Variants in CDC5L observed in about 807,000 individuals in gnomAD.
CDC5L encodes cell division cycle 5-like protein.
In CDC5L, 18 loss-of-function variants were observed where a neutral mutation model predicts 104.1. The observed-to-expected ratio is 0.17, with a 90% confidence interval of 0.12 to 0.26. CDC5L has a LOEUF of 0.26. Among genes scored for constraint, CDC5L ranks in the 10% least tolerant of loss-of-function variants. The pLI is 1.00. For synonymous variants in CDC5L, 331 were observed against 322.7 expected (o/e 1.03, Z -0.28); for missense variants, 673 against 956.9 (o/e 0.70, Z 3.91).
chr6:44,441,144 T>C (rs1793168064), intron 14 of CDC5L, among the ~76,000 whole-genome samples: 2 of 152,242 alleles, frequency 1.3e-5, no homozygotes, highest in South Asian at 4.1e-4. Context: ...TTTCCCTATC[T>C]ACCCTTTACC....
At chr6:44,416,717 C>A (rs1791923963) in intron 8 of CDC5L, among the ~76,000 whole-genome samples, 1 of 152,248 alleles carries the variant, frequency 6.6e-6, no homozygotes, top group East Asian at 1.9e-4. Flanking sequence ...CAATCTCATA[C>A]TGGGCCAAAC....
At position 44,447,694 on chromosome 6, in the gene CDC5L, TAGAGAG is replaced by T. The variant is rs372649780; in HGVS notation, c.*987_*992del. On this transcript the variant is annotated 3_prime_UTR_variant, in exon 16 of 16. Coordinates refer to ENST00000371477, the MANE Select transcript of CDC5L (RefSeq NM_001253.4). Reference sequence around the variant, plus strand: ...GAATGTATACCCTGTGCCAGAGTCTTAGAGAGAGAACAACAAACAAAATAGGCCTAG... The same window carrying T: ...GAATGTATACCCTGTGCCAGAGTCTTAGAACAACAAACAAAATAGGCCTAG... 1 of 152,192 alleles carries T rather than the reference TAGAGAG, an allele frequency of 6.6e-6. No individual in the cohort carries two copies. Among genetic ancestry groups the T allele is most frequent in the East Asian group, 1.9e-4 (1 of 5,204 alleles). The allele number at this position is 152,192 out of a possible 1,614,324, so 9.4% of individuals were successfully genotyped here.
Position 44,407,261 on chromosome 6 carries a change from T to C in CDC5L, c.903+794T>C, listed in dbSNP as rs11571957. 1.0e-2 allele frequency among the ~76,000 whole-genome samples: 1,522 copies of C among 152,290 alleles called. 12 individuals carry two copies. Among genetic ancestry groups the C allele is most frequent in the Middle Eastern group, 0.031 (9 of 294 alleles). On this transcript the variant is annotated intron_variant, in intron 7 of 15. Coordinates refer to ENST00000371477, the MANE Select transcript of CDC5L (RefSeq NM_001253.4). The stretch of plus-strand genomic sequence containing the variant: ...AAAAGCGATACAAACATTCTTTCAT[T>C]CAGCTTATTACAGGCTGTATTCTTT...
intron 12 of CDC5L, 58 bp from the exon 13 acceptor site, chr6:44,426,424 A>T (rs1792425955): frequency 2.0e-6 from 2 of 1,019,740 alleles, no homozygotes; most frequent in Non-Finnish European, 2.9e-6. Flanking sequence ...GTAACAGGTA[A>T]TAACATTAAT....
chr6:44,408,489 A>G lies in CDC5L; in HGVS notation c.949A>G (p.Ser317Gly). Residue 317 changes from serine (S) to glycine (G), a missense_variant, in exon 8 of 16, where the codon AGT becomes GGT. By Grantham distance (56) the Ser-to-Gly change is moderately conservative (BLOSUM62 0). Coordinates refer to ENST00000371477, the MANE Select transcript of CDC5L (RefSeq NM_001253.4). ...LQEVVKVGQA[S>G]EIARQTAEES... ...GGAAGTTGTAAAAGTAGGCCAAGCG[A>G]GTGAAATTGCACGTCAAACTGCCGA... 2 of 1,614,006 alleles carry G rather than the reference A, an allele frequency of 1.2e-6. No homozygotes were observed. Among genetic ancestry groups the G allele is most frequent in the Non-Finnish European group, 1.7e-6 (2 of 1,179,888 alleles).
chr6:44,400,419 G>A (rs1286446768), intron 5 of CDC5L, among the ~76,000 whole-genome samples: 2 of 152,076 alleles, frequency 1.3e-5, no homozygotes, highest in South Asian at 2.1e-4. Flanking sequence ...ACGGAGTCTC[G>A]CTCTGTCACC....
intron 11 of CDC5L, among the ~76,000 whole-genome samples, chr6:44,425,842 A>G (rs906374423): frequency 1.3e-5 from 2 of 151,924 alleles, no homozygotes; most frequent in Admixed American, 1.3e-4. Flanking sequence ...TAGATGAGAA[A>G]AGTTTGTTAC....
chr6:44,428,115 G>T (rs1026842957), intron 13 of CDC5L, among the ~76,000 whole-genome samples: 3 of 152,176 alleles, frequency 2.0e-5, no homozygotes, highest in Non-Finnish European at 4.4e-5. Context: ...CTCTCGTAAT[G>T]ATTATAAGAT....
chr6:44,434,691 A>G (rs1192477517), intron 14 of CDC5L, among the ~76,000 whole-genome samples: 2 of 152,214 alleles, frequency 1.3e-5, no homozygotes, highest in African/African-American at 4.8e-5. Context: ...CCTCACTGTA[A>G]CGGACTTTTA....
At position 44,426,571 on chromosome 6, in the gene CDC5L, C is replaced by G; in HGVS notation, c.1740C>G (p.Ile580Met). Residue 580 changes from isoleucine (I) to methionine (M), a missense_variant, in exon 13 of 16, where the codon ATC (isoleucine) becomes ATG (methionine). Physicochemically the swap from Ile to Met is conservative, Grantham distance 10. Coordinates refer to ENST00000371477, the MANE Select transcript of CDC5L (RefSeq NM_001253.4). Reference sequence around the variant, plus strand: ...AAGAACTAATCAAAAAAGAAATGATCACAATGCTTCATTATGACCTTCTAC... The same window carrying G: ...AAGAACTAATCAAAAAAGAAATGATGACAATGCTTCATTATGACCTTCTAC... ...KSEELIKKEM[I>M]TMLHYDLLHH... 1 of 1,612,686 alleles carries G rather than the reference C, an allele frequency of 6.2e-7. No individual in the cohort carries two copies. Among genetic ancestry groups the G allele is most frequent in the Non-Finnish European group, 8.5e-7 (1 of 1,179,040 alleles).
At position 44,403,949 on chromosome 6, in the gene CDC5L, C is replaced by A. The variant is rs776097166; in HGVS notation, c.680C>A (p.Thr227Asn). 3.7e-6 allele frequency: 6 copies of A among 1,613,640 alleles called. No individual in the cohort carries two copies. Among genetic ancestry groups the A allele is most frequent in the Non-Finnish European group, 4.2e-6 (5 of 1,179,836 alleles). Residue 227 changes from threonine (T) to asparagine (N), a missense_variant, in exon 6 of 16, where the codon ACT becomes AAT. By Grantham distance (65) the Thr-to-Asn change is moderately conservative. Transcript: ENST00000371477. The part of the protein sequence containing the change: ...EKKPALGFYD[T>N]SEENYQALDA... ...AAGCCTGCCCTTGGTTTTTATGATA[C>A]TTCTGAGGAAAACTACCAAGCTCTT...
At chr6:44,403,202 C>G (rs1469129219) in intron 5 of CDC5L, among the ~76,000 whole-genome samples, 1 of 152,030 alleles carries the variant, frequency 6.6e-6, no homozygotes, top group African/African-American at 2.4e-5. Context: ...TAGATATGCA[C>G]AAATGGTACT....
chr6:44,403,620 C>G (rs560426632), intron 5 of CDC5L, among the ~76,000 whole-genome samples, 189 bp from the exon 6 acceptor site: 1 of 151,836 alleles, frequency 6.6e-6, no homozygotes, highest in African/African-American at 2.4e-5. Context: ...TTCTTTTTGC[C>G]TTATTATGTG....
rs1037216003 is a variant in CDC5L, at chr6:44,387,756, G to C, written c.-68G>C. On this transcript the variant is annotated 5_prime_UTR_variant, in exon 1 of 16. Transcript: ENST00000371477. Reference sequence around the variant, plus strand: ...AGGAAGTGGCGGCTTTGAGTCCGGTGGCCCAATCGCTGTTACTACTTCTCT... The same window carrying C: ...AGGAAGTGGCGGCTTTGAGTCCGGTCGCCCAATCGCTGTTACTACTTCTCT... The C allele has an allele frequency of 2.2e-6, 3 of 1,380,242 alleles. No homozygotes were observed. The African/African-American group carries it at 4.3e-5, about 20-fold the overall frequency. The allele number at this position is 1,380,242 out of a possible 1,614,324, so 85.5% of individuals were successfully genotyped here.
intron 11 of CDC5L, among the ~76,000 whole-genome samples, chr6:44,425,378 C>T (rs899498541): frequency 6.6e-6 from 1 of 152,128 alleles, no homozygotes; most frequent in Non-Finnish European, 1.5e-5. Flanking sequence ...GTAAGGAATA[C>T]TCAACAAGCT....
chr6:44,397,572 A>G (rs1177622586), intron 5 of CDC5L, among the ~76,000 whole-genome samples: 1 of 152,250 alleles, frequency 6.6e-6, no homozygotes, highest in East Asian at 1.9e-4. Context: ...TTCTGTTGGC[A>G]TATGAGAGCT....
intron 8 of CDC5L, among the ~76,000 whole-genome samples, chr6:44,412,972 CG>C (rs1240967445): frequency 6.6e-6 from 1 of 151,180 alleles, no homozygotes; most frequent in African/African-American, 2.4e-5. Context: ...TTAGTAGAGA[CG>C]GGGTTTCACC....
chr6:44,410,434 A>C (rs1052124307), intron 8 of CDC5L, among the ~76,000 whole-genome samples: 1 of 152,210 alleles, frequency 6.6e-6, no homozygotes, highest in Admixed American at 6.5e-5. Context: ...TTTATGTATC[A>C]CATATTTTTA....
Position 44,421,502 on chromosome 6 carries a change from T to C in CDC5L, c.1242-1145T>C, listed in dbSNP as rs11572000. On this transcript the variant is annotated intron_variant, in intron 9 of 15. Transcript: ENST00000371477. ...TCATGACAGCAGAACCAAGAAGCAT[T>C]GGCAGCCAGTCTTAAACATTTAACA... Among the ~76,000 whole-genome samples the C allele has an allele frequency of 1.2e-4, 19 of 152,324 alleles. No individual in the cohort carries two copies. In the East Asian group the frequency reaches 2.1e-3, roughly 17 times the overall value.
Sources: allele counts gnomAD v4.1 joint callset (sites outside exome capture counted in the v4.1 genomes callset), GRCh38; gene constraint gnomAD v4.1.1; transcripts MANE v1.5; gene names NCBI Gene and HGNC (gene_info 2026-07-23, HGNC 2026-07-21).